The following CAPN12 variants were observed in gnomAD, a reference collection of about 807,000 sequenced individuals.
CAPN12 encodes the protein calpain 12.
In CAPN12, 107 loss-of-function variants were observed where a neutral mutation model predicts 95.0. That is an observed-to-expected ratio of 1.13 (90% CI 0.96 to 1.32). The LOEUF (loss-of-function observed/expected upper bound fraction) is 1.32. Among genes scored for constraint, CAPN12 ranks in the 40% most tolerant of loss-of-function variants. CAPN12 has a pLI of 0.00. For synonymous variants in CAPN12, 505 were observed against 415.5 expected (o/e 1.22, Z -2.62); for missense variants, 1,136 against 997.8 (o/e 1.14, Z -1.87).
intron 17 of CAPN12, 169 bp from the exon 18 acceptor site, chr19:38,733,950 G>A (rs1036177151): frequency 1.3e-5 from 10 of 785,556 alleles, no homozygotes; most frequent in Non-Finnish European, 2.0e-5. Context: ...TCTGTAAAAT[G>A]GGAATAAGAG....
In CAPN12 at chr19:38,731,341, G is replaced by A. The variant is rs904644770; in HGVS notation, c.1958-118C>T. 1.5e-5 allele frequency: 11 copies of A among 750,540 alleles called. No individual in the cohort carries two copies. The African/African-American group carries it at 1.5e-4, about 10-fold the overall frequency. The allele number at this position is 750,540 out of a possible 1,614,324, so 46.5% of individuals were successfully genotyped here. On this transcript the variant is annotated intron_variant, in intron 18 of 20. Coordinates refer to ENST00000328867, the MANE Select transcript of CAPN12 (RefSeq NM_144691.4). ...CCACAGGGTGTCACACCCCAACTCT[G>A]CCCCATCCCGGCAGGGTGAGTACAG...
intron 18 of CAPN12, among the ~76,000 whole-genome samples, chr19:38,732,330 C>CTTTT (rs937893696): frequency 6.6e-6 from 1 of 152,130 alleles, no homozygotes; most frequent in African/African-American, 2.4e-5. Flanking sequence ...TTGACTTGGG[C>CTTTT]TTTTTCTTTT....
At chr19:38,734,475 A>G in intron 15 of CAPN12, 86 bp from the exon 16 acceptor site, 1 of 1,189,494 alleles carries the variant, frequency 8.4e-7, no homozygotes, top group Non-Finnish European at 1.2e-6. Flanking sequence ...TCCCTTAAGC[A>G]GGTGATGTTG....
At position 38,731,456 on chromosome 19, in the gene CAPN12, G is replaced by A. The variant is rs1272655344; in HGVS notation, c.1958-233C>T. 3.5e-5 allele frequency: 20 copies of A among 572,804 alleles called. No individual in the cohort carries two copies. The East Asian group carries it at 3.5e-4, about 10-fold the overall frequency. 35.5% of individuals were successfully genotyped at this position (572,804 alleles called of 1,614,324 possible). A position where few individuals can be genotyped will look rare whatever the true frequency, so the allele number is the denominator to read the frequency against. ...CCCATAGGGTGTGTGAAGACAGAAC[G>A]CTCAGGACAGCGTCTGACACGTGAC... On this transcript the variant is annotated intron_variant, in intron 18 of 20. Transcript: ENST00000328867.
Position 38,732,729 on chromosome 19 carries a change from C to T in CAPN12, c.1957+974G>A, listed in dbSNP as rs529100200. Among the ~76,000 whole-genome samples the T allele has an allele frequency of 7.2e-5, 11 of 152,310 alleles. No individual in the cohort carries two copies. The South Asian group carries it at 2.3e-3, about 32-fold the overall frequency. On this transcript the variant is annotated intron_variant, in intron 18 of 20. Coordinates refer to ENST00000328867, the MANE Select transcript of CAPN12 (RefSeq NM_144691.4). ...TCCCTCTGGCTCTCCGACTCCATCACAGTCACCCCAGCCCCCATCTCCCTG... is the reference window on the plus strand; with the variant it reads ...TCCCTCTGGCTCTCCGACTCCATCATAGTCACCCCAGCCCCCATCTCCCTG...
Position 38,742,506 on chromosome 19 carries a change from A to G in CAPN12, c.330T>C (p.Ala110=), listed in dbSNP as rs936524. Residue 110 remains alanine, a synonymous_variant, in exon 3 of 21, where the codon GCT becomes GCC. Coordinates refer to ENST00000328867, the MANE Select transcript of CAPN12 (RefSeq NM_144691.4). ...GGGGATACAGAGTAAGGGAGGCGGC[A>G]GCTGCAAGGAACCAGCAGTTACCTG... The part of the protein sequence containing the change: ...GSLGNCWFLA[A]AASLTLYPRL... The G allele has an allele frequency of 0.74, 1,196,337 of 1,611,136 alleles. 447,358 individuals are homozygous for G. Among genetic ancestry groups the G allele is most frequent in the South Asian group, 0.85 (77,117 of 90,914 alleles).
chr19:38,741,943 T>C (rs1349326200), intron 3 of CAPN12, 33 bp from the exon 4 acceptor site: 1 of 1,608,580 alleles, frequency 6.2e-7, no homozygotes, highest in Non-Finnish European at 8.5e-7. Flanking sequence ...CGGACTCGGC[T>C]TCCAACCTCC....
rs766789915 is a variant in CAPN12, at chr19:38,731,162, C to T, written c.2019G>A (p.Leu673=). 20 of 1,613,160 alleles carry T rather than the reference C, an allele frequency of 1.2e-5. No homozygotes were observed. The Admixed American group carries it at 2.8e-4, about 23-fold the overall frequency. The change falls in exon 19 of 21, where the codon CTG becomes CTA. Residue 673 remains leucine (L), a synonymous_variant. Coordinates refer to ENST00000328867, the MANE Select transcript of CAPN12 (RefSeq NM_144691.4). ...ACACGAACCGCTCGAAGTCCACACGCAGACGGCTATCCCGGTAGCGGCTGG... is the reference window on the plus strand; with the variant it reads ...ACACGAACCGCTCGAAGTCCACACGTAGACGGCTATCCCGGTAGCGGCTGG... ...TLTSRYRDSR[L]RVDFERFVSC...
chr19:38,742,390 G>A lies in CAPN12; in HGVS notation c.426+20C>T, dbSNP rs372275821. The A allele has an allele frequency of 1.6e-5, 24 of 1,543,914 alleles. No individual in the cohort carries two copies. The highest frequency in any genetic ancestry group is 1.7e-4 in the Middle Eastern group (1 of 5,960). On this transcript the variant is annotated intron_variant, in intron 3 of 20. Transcript: ENST00000328867. ...CACCATGGGGGAAACGGAGGCATGG[G>A]CAGAGGAACTGAGCTGTACCTGGAA... is the stretch of plus-strand genomic sequence containing the variant.
At chr19:38,739,874 C>A in intron 5 of CAPN12, 177 bp downstream of exon 5, 1 of 589,436 alleles carries the variant, frequency 1.7e-6, no homozygotes, top group East Asian at 3.1e-5. Flanking sequence ...TCCAGCTGTG[C>A]CTGAAGCCCC....
chr19:38,737,516 C>G lies in CAPN12; in HGVS notation c.1088G>C (p.Trp363Ser), dbSNP rs2145218171. The G allele has an allele frequency of 1.2e-6, 2 of 1,612,722 alleles. No homozygotes were observed. The highest frequency in any genetic ancestry group is 4.5e-5 in the East Asian group (2 of 44,872). ...CCCGCCGGAGTTGAAGCCACGCACC[C>G]AGCGGCCTTGGAAGGTGTGGACGTG... ...GWHVHTFQGR[W>S]VRGFNSGGSQ... Residue 363 changes from tryptophan (W) to serine (S), a missense_variant, in exon 9 of 21, where the codon TGG (tryptophan) becomes TCG (serine). Coordinates refer to ENST00000328867, the MANE Select transcript of CAPN12 (RefSeq NM_144691.4).
At chr19:38,735,466 C>A in intron 13 of CAPN12, 36 bp downstream of exon 13, 2 of 1,610,808 alleles carry the variant, frequency 1.2e-6, no homozygotes, top group Non-Finnish European at 1.7e-6. Context: ...GGCCAAGATC[C>A]CCGCCCCATG....
intron 14 of CAPN12, 199 bp from the exon 15 acceptor site, chr19:38,735,069 ACCGGC>A (rs1167137943): frequency 1.6e-5 from 10 of 609,408 alleles, no homozygotes; most frequent in Non-Finnish European, 2.6e-5. Context: ...GGGCCAGCAG[ACCGGC>A]CTGGGGCAGG....
In CAPN12 at chr19:38,739,875, C is replaced by T. The variant is rs965929922; in HGVS notation, c.729+176G>A. The T allele has an allele frequency of 4.8e-5, 29 of 599,036 alleles. No homozygotes were observed. The African/African-American group carries it at 5.2e-4, about 11-fold the overall frequency. 37.1% of individuals were successfully genotyped at this position (599,036 alleles called of 1,614,324 possible). A position where few individuals can be genotyped will look rare whatever the true frequency, so the allele number is the denominator to read the frequency against. On this transcript the variant is annotated intron_variant, in intron 5 of 20. Coordinates refer to ENST00000328867, the MANE Select transcript of CAPN12 (RefSeq NM_144691.4). Reference sequence around the variant, plus strand: ...CCTCAGCATCTGGATCCAGCTGTGCCTGAAGCCCCTGATTCATGAGAGCAA... The same window carrying T: ...CCTCAGCATCTGGATCCAGCTGTGCTTGAAGCCCCTGATTCATGAGAGCAA...
In CAPN12 at chr19:38,733,647, T is replaced by C; in HGVS notation, c.1957+56A>G. 3.4e-6 allele frequency: 5 copies of C among 1,481,590 alleles called. No homozygotes were observed. The South Asian group carries it at 4.5e-5, about 13-fold the overall frequency. The allele number at this position is 1,481,590 out of a possible 1,614,324, so 91.8% of individuals were successfully genotyped here. The stretch of plus-strand genomic sequence containing the variant: ...GCTGAGCAGGGGGACTTGGAGACAA[T>C]GGGATGGGAGAGAACAGGTCCTGTC... On this transcript the variant is annotated intron_variant, in intron 18 of 20. Transcript: ENST00000328867.
chr19:38,735,318 C>CA, intron 14 of CAPN12, 52 bp downstream of exon 14: 1 of 1,507,954 alleles, frequency 6.6e-7, no homozygotes, highest in Non-Finnish European at 8.9e-7. Context: ...AAGGGGGGTC[C>CA]CCAAGGGGAG....
intron 18 of CAPN12, chr19:38,731,524 T>C: frequency 2.2e-6 from 1 of 452,716 alleles, no homozygotes; most frequent in Non-Finnish European, 4.1e-6. Context: ...TGTGGGGCTT[T>C]CTCCTTGCCA....
Position 38,730,243 on chromosome 19 carries a change from T to C in CAPN12, c.*609A>G. On this transcript the variant is annotated 3_prime_UTR_variant, in exon 21 of 21. Transcript: ENST00000328867. ...TACGGATTTATTATATAAATATATA[T>C]TCACCTAGCAACATATCTCTGCCGT... The C allele has an allele frequency of 6.3e-6, 1 of 158,334 alleles. No individual in the cohort carries two copies. Among genetic ancestry groups the C allele is most frequent in the Non-Finnish European group, 1.4e-5 (1 of 71,486 alleles). 9.8% of individuals were successfully genotyped at this position (158,334 alleles called of 1,614,324 possible). A position where few individuals can be genotyped will look rare whatever the true frequency, so the allele number is the denominator to read the frequency against.
chr19:38,730,764 A>G lies in CAPN12; in HGVS notation c.*88T>C, dbSNP rs1006497834. The G allele has an allele frequency of 2.7e-6, 4 of 1,472,938 alleles. No homozygotes were observed. The East Asian group carries it at 9.9e-5, about 36-fold the overall frequency. 91.2% of individuals were successfully genotyped at this position (1,472,938 alleles called of 1,614,324 possible). The stretch of plus-strand genomic sequence containing the variant: ...AGCCCCAGACAGGTGGATGCCAGAG[A>G]GAGTGGCACCCATGCCAGGCAAGGC... On this transcript the variant is annotated 3_prime_UTR_variant, in exon 21 of 21. Transcript: ENST00000328867.
Sources: gnomAD v4.1 joint callset for allele counts (sites outside exome capture counted in the v4.1 genomes callset) on GRCh38, gnomAD v4.1.1 for gene constraint, MANE v1.5 for transcripts, NCBI Gene and HGNC (gene_info 2026-07-23, HGNC 2026-07-21) for gene names.